SEC23IP: variants seen among roughly 807,000 people sequenced by gnomAD.
SEC23IP encodes the protein SEC23 interacting protein.
A neutral mutation model predicts 113.4 loss-of-function variants in SEC23IP; 70 were observed. That is an observed-to-expected ratio of 0.62 (90% CI 0.51 to 0.75). The LOEUF is 0.75. Ranked by LOEUF, SEC23IP falls within the 30% of genes least tolerant of loss-of-function variation. SEC23IP has a pLI of 0.00. For synonymous variants in SEC23IP, 398 were observed against 421.0 expected, an observed-to-expected ratio of 0.95 and a Z score of 0.67; for missense variants, 1,160 against 1,204.9, an observed-to-expected ratio of 0.96 and a Z score of 0.55.
In SEC23IP at chr10:119,902,880, T is replaced by C. The variant is rs147968488; in HGVS notation, c.778T>C (p.Phe260Leu). The change falls in exon 3 of 19, where the codon TTT (phenylalanine) becomes CTT (leucine). Residue 260 changes from phenylalanine to leucine, a missense_variant. Phe to Leu is a conservative substitution (Grantham distance 22). Transcript: ENST00000369075. ...GAPSVQVPSP[F>L]LLQNQYEPVQ... is the part of the protein sequence containing the mutation. The stretch of plus-strand genomic sequence containing the variant: ...TCCCTCTGTTCAAGTGCCATCTCCT[T>C]TTCTACTTCAAAACCAATATGAGCC... 751 of 1,614,204 alleles carry C rather than the reference T, an allele frequency of 4.7e-4. 3 individuals are homozygous for C. Among genetic ancestry groups the C allele is most frequent in the Non-Finnish European group, 6.0e-4 (704 of 1,180,038 alleles).
intron 18 of SEC23IP, among the ~76,000 whole-genome samples, chr10:119,939,019 C>T: frequency 6.6e-6 from 1 of 152,042 alleles, no homozygotes; most frequent in East Asian, 1.9e-4. Context: ...CTTTGAAAAG[C>T]CTCAAATTGG....
Position 119,943,883 on chromosome 10 carries a change from G to A in SEC23IP, c.*3318G>A, listed in dbSNP as rs1856018337. ...CGTTAGTGGATGTGCTGCAGTTCAGGTTCATGGACAGGTGGGACTGGTGTG... is the reference window on the plus strand; with the variant it reads ...CGTTAGTGGATGTGCTGCAGTTCAGATTCATGGACAGGTGGGACTGGTGTG... On this transcript the variant is annotated 3_prime_UTR_variant, in exon 19 of 19. Coordinates refer to ENST00000369075, the MANE Select transcript of SEC23IP (RefSeq NM_007190.4). 1 of 152,266 alleles carries A rather than the reference G, an allele frequency of 6.6e-6. No homozygotes were observed. The highest frequency in any genetic ancestry group is 6.5e-5 in the Admixed American group (1 of 15,286). The allele number at this position is 152,266 out of a possible 1,614,324, so 9.4% of individuals were successfully genotyped here.
At chr10:119,912,931 G>T (rs1292680724) in intron 6 of SEC23IP, among the ~76,000 whole-genome samples, 1 of 152,050 alleles carries the variant, frequency 6.6e-6, no homozygotes, top group Non-Finnish European at 1.5e-5. Context: ...GTGAGCCACC[G>T]CACCCTACCT....
rs550144193 is a variant in SEC23IP, at chr10:119,898,169, G to A, written c.164-258G>A. ...AAAATGTTAACAGTGTTAACAGCGTGATTGTCTCTGGCAGGTGGGCTTATG... is the reference window on the plus strand; with the variant it reads ...AAAATGTTAACAGTGTTAACAGCGTAATTGTCTCTGGCAGGTGGGCTTATG... On this transcript the variant is annotated intron_variant, in intron 1 of 18. Transcript: ENST00000369075. 6.9e-6 allele frequency: 3 copies of A among 434,302 alleles called. No individual in the cohort carries two copies. The South Asian group carries it at 1.8e-4, about 26-fold the overall frequency. The allele number at this position is 434,302 out of a possible 1,614,324, so 26.9% of individuals were successfully genotyped here. A position where few individuals can be genotyped will look rare whatever the true frequency, so the allele number is the denominator to read the frequency against.
intron 16 of SEC23IP, among the ~76,000 whole-genome samples, chr10:119,932,792 C>T (rs529485146): frequency 6.6e-6 from 1 of 152,304 alleles, no homozygotes; most frequent in South Asian, 2.1e-4. Context: ...CTTATCTTCA[C>T]AACTTCTCTC....
chr10:119,914,903 C>T, intron 7 of SEC23IP, 84 bp downstream of exon 7: 1 of 1,286,216 alleles, frequency 7.8e-7, no homozygotes, highest in Non-Finnish European at 1.1e-6. Flanking sequence ...AGGATAGTTC[C>T]CAGCTGTGTA....
rs1250859861 is a variant in SEC23IP, at chr10:119,932,405, C to CTA, written c.2758+88_2758+89dup. ...AGTTATATGATGATGCATTTCCTTT[C>CTA]TAGACTTTTTGGTTAAATTATAGAA... On this transcript the variant is annotated intron_variant, in intron 16 of 18. Coordinates refer to ENST00000369075, the MANE Select transcript of SEC23IP (RefSeq NM_007190.4). 6 of 1,046,234 alleles carry CTA rather than the reference C, an allele frequency of 5.7e-6. No individual in the cohort carries two copies. The East Asian group carries it at 1.3e-4, about 23-fold the overall frequency. The allele number at this position is 1,046,234 out of a possible 1,614,324, so 64.8% of individuals were successfully genotyped here. A position where few individuals can be genotyped will look rare whatever the true frequency, so the allele number is the denominator to read the frequency against.
chr10:119,923,104 G>C (rs1223658880), intron 12 of SEC23IP, among the ~76,000 whole-genome samples: 1 of 152,054 alleles, frequency 6.6e-6, no homozygotes, highest in Non-Finnish European at 1.5e-5. Context: ...AGTAGAAAAG[G>C]ATTCTATAGT....
intron 6 of SEC23IP, among the ~76,000 whole-genome samples, chr10:119,912,382 C>G (rs1309902144): frequency 2.6e-5 from 4 of 152,144 alleles, no homozygotes; most frequent in African/African-American, 4.8e-5. Flanking sequence ...ATTTGCCTGC[C>G]TCGGCCTCCC....
chr10:119,937,551 A>G (rs1412957298), intron 18 of SEC23IP, among the ~76,000 whole-genome samples: 1 of 151,896 alleles, frequency 6.6e-6, no homozygotes, highest in African/African-American at 2.4e-5. Context: ...GCTTGAACCC[A>G]GGAGGCGGAG....
intron 4 of SEC23IP, among the ~76,000 whole-genome samples, chr10:119,906,076 G>T (rs1331790481): frequency 6.6e-6 from 1 of 151,896 alleles, no homozygotes; most frequent in Non-Finnish European, 1.5e-5. Flanking sequence ...AGGAGTTCCA[G>T]ACCAGCCTGG....
At chr10:119,893,154 TC>T (rs1306026948) in intron 1 of SEC23IP, among the ~76,000 whole-genome samples, 1 of 152,178 alleles carries the variant, frequency 6.6e-6, no homozygotes, top group African/African-American at 2.4e-5. Flanking sequence ...AACCCCCTGT[TC>T]CGAGTTGTCC....
chr10:119,935,285 A>G lies in SEC23IP; in HGVS notation c.*20+1498A>G, dbSNP rs572538041. Among the ~76,000 whole-genome samples the G allele has an allele frequency of 2.6e-5, 4 of 152,152 alleles. No individual in the cohort carries two copies. The South Asian group carries it at 8.3e-4, about 32-fold the overall frequency. On this transcript the variant is annotated intron_variant, in intron 18 of 18. Coordinates refer to ENST00000369075, the MANE Select transcript of SEC23IP (RefSeq NM_007190.4). Reference sequence around the variant, plus strand: ...AGACTAGCCTGGCTAACATGGTGAAACCCTGTCTCTACTAAAAATACAAAA... The same window carrying G: ...AGACTAGCCTGGCTAACATGGTGAAGCCCTGTCTCTACTAAAAATACAAAA...
chr10:119,896,884 C>T (rs1453698470), intron 1 of SEC23IP, among the ~76,000 whole-genome samples: 2 of 151,682 alleles, frequency 1.3e-5, no homozygotes, highest in Non-Finnish European at 2.9e-5. Context: ...GGAAATATAT[C>T]AGAGAAGTGG....
intron 3 of SEC23IP, among the ~76,000 whole-genome samples, chr10:119,903,351 T>G (rs1246061068): frequency 6.6e-6 from 1 of 152,172 alleles, no homozygotes; most frequent in African/African-American, 2.4e-5. Context: ...CTGGAGATGC[T>G]CTGTGAAAAA....
Position 119,943,580 on chromosome 10 carries a change from A to C in SEC23IP, c.*3015A>C, listed in dbSNP as rs1252832940. ...ACTCTAGCCTGAGTGACAGAGCGAG[A>C]CTCTGTCTCAAAAAAAAATAAATGA... On this transcript the variant is annotated 3_prime_UTR_variant, in exon 19 of 19. Coordinates refer to ENST00000369075, the MANE Select transcript of SEC23IP (RefSeq NM_007190.4). 6.6e-6 allele frequency: 1 copy of C among 151,688 alleles called. No homozygotes were observed. The highest frequency in any genetic ancestry group is 1.9e-4 in the East Asian group (1 of 5,182). 9.4% of individuals were successfully genotyped at this position (151,688 alleles called of 1,614,324 possible).
At chr10:119,902,649 T>C (rs1023407013) in intron 2 of SEC23IP, 150 bp from the exon 3 acceptor site, 5 of 664,412 alleles carry the variant, frequency 7.5e-6, no homozygotes, top group Non-Finnish European at 1.3e-5. Context: ...TTAAAAATTC[T>C]TCTTAAAATT....
chr10:119,902,587 A>G (rs1329588393), intron 2 of SEC23IP, among the ~76,000 whole-genome samples: 1 of 152,136 alleles, frequency 6.6e-6, no homozygotes, highest in Non-Finnish European at 1.5e-5. Context: ...TAAATGGGGT[A>G]TAGATATCCC....
chr10:119,897,318 G>C (rs763913296), intron 1 of SEC23IP, among the ~76,000 whole-genome samples: 1 of 152,222 alleles, frequency 6.6e-6, no homozygotes, highest in African/African-American at 2.4e-5. Flanking sequence ...CAGGGAAGAT[G>C]CTTTTATTTT....
Sources: allele counts gnomAD v4.1 joint callset (sites outside exome capture counted in the v4.1 genomes callset), GRCh38; gene constraint gnomAD v4.1.1; transcripts MANE v1.5; gene names NCBI Gene and HGNC (gene_info 2026-07-23, HGNC 2026-07-21).